HHAT: variants seen among roughly 807,000 people sequenced by gnomAD.
The protein encoded by HHAT is protein-cysteine N-palmitoyltransferase HHAT.
A neutral mutation model predicts 70.8 loss-of-function variants in HHAT; 47 were observed. That is an observed-to-expected ratio of 0.66 (90% CI 0.53 to 0.85). HHAT has a LOEUF of 0.85. HHAT is among the 40% of genes least tolerant of loss of function. HHAT has a pLI of 0.00. For missense variants in HHAT, 609 were observed against 604.8 expected (o/e 1.01, Z -0.07); for synonymous variants, 228 against 247.6 (o/e 0.92, Z 0.74).
intron 11 of HHAT, among the ~76,000 whole-genome samples, chr1:210,645,330 T>A (rs904111780): frequency 6.6e-6 from 1 of 152,168 alleles, no homozygotes; most frequent in African/African-American, 2.4e-5. Flanking sequence ...CAGGCTGAAG[T>A]TCGGTGGCAC....
chr1:210,367,125 G>A (rs1362799632), intron 3 of HHAT, among the ~76,000 whole-genome samples: 1 of 152,192 alleles, frequency 6.6e-6, no homozygotes, highest in African/African-American at 2.4e-5. Context: ...ATGACATGAA[G>A]GCAGTAAACA....
intron 7 of HHAT, among the ~76,000 whole-genome samples, chr1:210,456,892 A>G (rs2093880874): frequency 2.6e-5 from 4 of 152,034 alleles, no homozygotes. Flanking sequence ...CCTCTCCCCC[A>G]CACGCTGCTC....
rs2092782003 is a variant in HHAT, at chr1:210,418,190, C to CTG, written c.727_728dup (p.Leu244SerfsTer18). 6.2e-6 allele frequency: 10 copies of CTG among 1,614,150 alleles called. No individual in the cohort carries two copies. The highest frequency in any genetic ancestry group is 8.5e-6 in the Non-Finnish European group (10 of 1,179,994). ...GGAGCATGACTCCCTGAAGGCCAGC[C>CTG]TGTGTGTCCTGGCCCTGGGGCTGGG... On this transcript the variant is annotated frameshift_variant, in exon 7 of 12. Transcript: ENST00000261458. LOFTEE classifies it high-confidence loss of function.
At chr1:210,638,845 C>T (rs1672438662) in intron 11 of HHAT, among the ~76,000 whole-genome samples, 1 of 151,842 alleles carries the variant, frequency 6.6e-6, no homozygotes, top group African/African-American at 2.4e-5. Context: ...GCCAAGGTTG[C>T]AGTGAGCTAT....
rs974145848 is a variant in HHAT, at chr1:210,431,608, A to G, written c.856+13283A>G. ...TTTTTAAGAAGGAAGAAATCTCACA[A>G]GAAGCATCTCCAGCAGCTTCCCCCT... On this transcript the variant is annotated intron_variant, in intron 7 of 11. Coordinates refer to ENST00000261458, the MANE Select transcript of HHAT (RefSeq NM_018194.6). Among the ~76,000 whole-genome samples, 21 of 151,918 alleles carry G rather than the reference A, an allele frequency of 1.4e-4. 1 individual carries two copies. Among genetic ancestry groups the G allele is most frequent in the African/African-American group, 4.6e-4 (19 of 41,134 alleles).
chr1:210,658,582 C>T (rs912932186), intron 11 of HHAT, among the ~76,000 whole-genome samples: 1 of 152,176 alleles, frequency 6.6e-6, no homozygotes, highest in Non-Finnish European at 1.5e-5. Context: ...CTGTACCAAG[C>T]AGACCTAATA....
chr1:210,358,776 G>A (rs2087930096), intron 2 of HHAT, among the ~76,000 whole-genome samples: 1 of 152,162 alleles, frequency 6.6e-6, no homozygotes, highest in African/African-American at 2.4e-5. Context: ...GTGTGTGTGT[G>A]TATGTGTTTT....
intron 8 of HHAT, among the ~76,000 whole-genome samples, chr1:210,508,289 A>G (rs1460491278): frequency 6.6e-6 from 1 of 152,032 alleles, no homozygotes; most frequent in Non-Finnish European, 1.5e-5. Context: ...TAATGATAAT[A>G]GAAGAATGAA....
At chr1:210,550,864 C>T (rs2148682143) in intron 9 of HHAT, among the ~76,000 whole-genome samples, 1 of 148,378 alleles carries the variant, frequency 6.7e-6, no homozygotes. Flanking sequence ...GACAGGGTTT[C>T]ACCATGTTGG....
At chr1:210,364,880 G>C (rs1273632013) in intron 3 of HHAT, among the ~76,000 whole-genome samples, 1 of 152,172 alleles carries the variant, frequency 6.6e-6, no homozygotes, top group South Asian at 2.1e-4. Context: ...ACACACTCTG[G>C]GAGCTCCAAG....
chr1:210,613,416 G>A (rs1335681311), intron 10 of HHAT, among the ~76,000 whole-genome samples: 1 of 152,094 alleles, frequency 6.6e-6, no homozygotes, highest in Admixed American at 6.6e-5. Flanking sequence ...TGGCCTTGTT[G>A]AAAACTATTT....
intron 9 of HHAT, among the ~76,000 whole-genome samples, chr1:210,542,496 A>ATAT (rs1553264041): frequency 7.6e-4 from 114 of 149,504 alleles, no homozygotes; most frequent in Non-Finnish European, 7.0e-4. Context: ...TTAAAAAAAA[A>ATAT]ATATATATAT....
intron 7 of HHAT, among the ~76,000 whole-genome samples, chr1:210,455,560 G>T (rs1481873332): frequency 6.6e-6 from 1 of 152,012 alleles, no homozygotes; most frequent in African/African-American, 2.4e-5. Flanking sequence ...TCTAGTAAAC[G>T]TGGTGACTTG....
intron 11 of HHAT, among the ~76,000 whole-genome samples, chr1:210,650,756 G>A (rs929669064): frequency 5.9e-5 from 9 of 152,170 alleles, no homozygotes; most frequent in African/African-American, 1.7e-4. Context: ...AAGCTTTGGA[G>A]CCCTTCTTTG....
At chr1:210,344,896 CGG>C (rs2086373951) in intron 1 of HHAT, among the ~76,000 whole-genome samples, 2 of 11,708 alleles carry the variant, frequency 1.7e-4, no homozygotes, top group African/African-American at 6.0e-3. Flanking sequence ...GACGAGTCAT[CGG>C]AACAAGTCAT....
chr1:210,506,843 T>G (rs559181877), intron 8 of HHAT, among the ~76,000 whole-genome samples: 3 of 152,298 alleles, frequency 2.0e-5, no homozygotes, highest in African/African-American at 7.2e-5. Context: ...TCAACGACAT[T>G]TATTGCTTTC....
chr1:210,412,824 C>T (rs1208958927), intron 6 of HHAT, among the ~76,000 whole-genome samples: 1 of 152,212 alleles, frequency 6.6e-6, no homozygotes, highest in Non-Finnish European at 1.5e-5. Flanking sequence ...CTGTGCAGTT[C>T]TTTGTCTGGG....
intron 8 of HHAT, among the ~76,000 whole-genome samples, chr1:210,497,977 G>C (rs554507564): frequency 1.3e-5 from 2 of 151,734 alleles, no homozygotes; most frequent in Non-Finnish European, 2.9e-5. Flanking sequence ...GGATGGTCTC[G>C]ATCTCTTGAC....
chr1:210,470,353 A>C (rs1468638186), intron 8 of HHAT, among the ~76,000 whole-genome samples: 1 of 152,196 alleles, frequency 6.6e-6, no homozygotes, highest in African/African-American at 2.4e-5. Context: ...CTTTGCAAGC[A>C]GTTTCCAGCC....
Sources: allele counts gnomAD v4.1 joint callset (sites outside exome capture counted in the v4.1 genomes callset), GRCh38; gene constraint gnomAD v4.1.1; transcripts MANE v1.5; gene names NCBI Gene and HGNC (gene_info 2026-07-23, HGNC 2026-07-21).